Variants in ECT2L observed in about 807,000 individuals in gnomAD.
ECT2L encodes epithelial cell transforming 2 like.
Under a neutral mutation model 122.8 loss-of-function variants are expected in ECT2L, and 126 were observed. The ratio of observed to expected loss-of-function variants is 1.03; its 90% confidence interval spans 0.89 to 1.19. The LOEUF (loss-of-function observed/expected upper bound fraction) is 1.19. ECT2L is among the 50% of genes most tolerant of loss of function. The pLI is 0.00. For synonymous variants in ECT2L, 385 were observed against 381.8 expected, an observed-to-expected ratio of 1.01 and a Z score of -0.10; for missense variants, 1,012 against 1,064.1, an observed-to-expected ratio of 0.95 and a Z score of 0.68.
intron 4 of ECT2L, chr6:138,823,734 AGT>A: frequency 1.6e-6 from 2 of 1,288,262 alleles, no homozygotes; most frequent in Non-Finnish European, 2.1e-6. Flanking sequence ...ACAGAGACAA[AGT>A]GTGGAGGAGT....
Position 138,837,089 on chromosome 6 carries a change from T to C in ECT2L, c.180-1263T>C, listed in dbSNP as rs148844124. Among the ~76,000 whole-genome samples, 325 of 152,338 alleles carry C rather than the reference T, an allele frequency of 2.1e-3. 1 individual carries two copies. Among genetic ancestry groups the C allele is most frequent in the African/African-American group, 7.7e-3 (319 of 41,594 alleles). Reference sequence around the variant, plus strand: ...TGCTTTTAGGTGCTCTAACATGAAATATATGTACACACGTGTACATATACA... The same window carrying C: ...TGCTTTTAGGTGCTCTAACATGAAACATATGTACACACGTGTACATATACA... On this transcript the variant is annotated intron_variant, in intron 4 of 21. Coordinates refer to ENST00000541398, the MANE Select transcript of ECT2L (RefSeq NM_001077706.3).
intron 5 of ECT2L, among the ~76,000 whole-genome samples, chr6:138,841,870 T>C (rs979644752): frequency 6.6e-6 from 1 of 152,192 alleles, no homozygotes; most frequent in African/African-American, 2.4e-5. Context: ...TTTTCTCTTG[T>C]CGTATGTCAA....
At chr6:138,817,199 T>C (rs1562455274) in intron 4 of ECT2L, among the ~76,000 whole-genome samples, 1 of 152,230 alleles carries the variant, frequency 6.6e-6, no homozygotes, top group Non-Finnish European at 1.5e-5. Flanking sequence ...CACTCCTCAG[T>C]TGATTATTGT....
chr6:138,891,468 A>G (rs1277697232), intron 20 of ECT2L, among the ~76,000 whole-genome samples: 1 of 152,096 alleles, frequency 6.6e-6, no homozygotes, highest in Non-Finnish European at 1.5e-5. Flanking sequence ...GGCTTCATCT[A>G]CATAAGAACA....
chr6:138,822,838 G>T, intron 4 of ECT2L: 2 of 1,613,886 alleles, frequency 1.2e-6, no homozygotes, highest in Non-Finnish European at 8.5e-7. Flanking sequence ...GAATTGATCT[G>T]TATCAAAGAA....
intron 1 of ECT2L, among the ~76,000 whole-genome samples, chr6:138,809,671 T>C (rs890063442): frequency 3.3e-5 from 5 of 152,224 alleles, no homozygotes; most frequent in African/African-American, 4.8e-5. Flanking sequence ...TTTATGGTAA[T>C]ATGCTTGTAA....
chr6:138,822,699 C>T (rs573422776), intron 4 of ECT2L: 35 of 1,509,518 alleles, frequency 2.3e-5, no homozygotes, highest in East Asian at 9.5e-5. Flanking sequence ...CCAGCGTGAG[C>T]GACGCAGAAG....
rs1562501548 is a variant in ECT2L at position 138,902,632 on chromosome 6, GA to G, written c.*7del. ...AAAAGCAGTATGGAGAAGTGAGACC[GA>G]ACTTGAAAACTTCAGGGGTGCCAAT... is the stretch of plus-strand genomic sequence containing the variant. On this transcript the variant is annotated 3_prime_UTR_variant, in exon 22 of 22. Coordinates refer to ENST00000541398, the MANE Select transcript of ECT2L (RefSeq NM_001077706.3). 2 of 1,613,108 alleles carry G rather than the reference GA, an allele frequency of 1.2e-6. No homozygotes were observed. The highest frequency in any genetic ancestry group is 3.3e-5 in the Admixed American group (2 of 59,890).
At chr6:138,837,509 C>G (rs1776881331) in intron 4 of ECT2L, among the ~76,000 whole-genome samples, 1 of 152,068 alleles carries the variant, frequency 6.6e-6, no homozygotes, top group African/African-American at 2.4e-5. Context: ...ATGTGGCCAG[C>G]TTTGTGTCAA....
chr6:138,832,761 T>C (rs1776693757), intron 4 of ECT2L, among the ~76,000 whole-genome samples: 1 of 152,106 alleles, frequency 6.6e-6, no homozygotes, highest in African/African-American at 2.4e-5. Context: ...GTTTTTTTTT[T>C]AATTTATAAC....
intron 1 of ECT2L, 46 bp from the exon 2 acceptor site, chr6:138,812,792 G>T (rs147503903): frequency 3.9e-5 from 6 of 153,608 alleles, no homozygotes; most frequent in African/African-American, 1.4e-4. Context: ...ACAACAGAGC[G>T]AGACTCCATC....
At chr6:138,862,522 G>A in intron 10 of ECT2L, 105 bp from the exon 11 acceptor site, 1 of 1,114,802 alleles carries the variant, frequency 9.0e-7, no homozygotes, top group Non-Finnish European at 1.3e-6. Flanking sequence ...CAACGTTGGG[G>A]ATTAGATTTC....
chr6:138,871,762 G>A (rs1311365264), intron 13 of ECT2L, among the ~76,000 whole-genome samples: 3 of 151,880 alleles, frequency 2.0e-5, no homozygotes, highest in Non-Finnish European at 2.9e-5. Context: ...CCAAGATCGC[G>A]CCATTGCACT....
intron 8 of ECT2L, among the ~76,000 whole-genome samples, chr6:138,847,568 C>T (rs1184601497): frequency 1.6e-4 from 23 of 141,672 alleles, no homozygotes; most frequent in African/African-American, 5.3e-4. Context: ...TTAGTAAAGA[C>T]GGGTTTAGCC....
intron 4 of ECT2L, among the ~76,000 whole-genome samples, chr6:138,837,641 C>CAAA (rs56775844): frequency 5.6e-5 from 8 of 142,748 alleles, no homozygotes; most frequent in Non-Finnish European, 1.2e-4. Flanking sequence ...GCACTGGTCT[C>CAAA]AAAAAAAAAA....
intron 19 of ECT2L, among the ~76,000 whole-genome samples, chr6:138,888,324 T>C (rs1408164045): frequency 6.7e-6 from 1 of 149,464 alleles, no homozygotes; most frequent in African/African-American, 2.5e-5. Flanking sequence ...TTTCTTTTTT[T>C]TTTTTTTTTT....
At chr6:138,815,649 G>A (rs1235117618) in intron 4 of ECT2L, among the ~76,000 whole-genome samples, 1 of 152,238 alleles carries the variant, frequency 6.6e-6, no homozygotes, top group Admixed American at 6.5e-5. Flanking sequence ...AGGAGACTGT[G>A]TGAAGTTGTT....
intron 1 of ECT2L, among the ~76,000 whole-genome samples, chr6:138,806,826 G>C (rs912521569): frequency 4.0e-5 from 6 of 151,578 alleles, no homozygotes; most frequent in Non-Finnish European, 7.4e-5. Flanking sequence ...CATAGCTTTT[G>C]ACCTCCCCAA....
At chr6:138,812,672 G>A (rs1317346449) in intron 1 of ECT2L, among the ~76,000 whole-genome samples, 166 bp from the exon 2 acceptor site, 2 of 152,116 alleles carry the variant, frequency 1.3e-5, no homozygotes, top group East Asian at 3.9e-4. Flanking sequence ...AGGCATGGTG[G>A]TGCGCACCTG....
Sources: allele counts gnomAD v4.1 joint callset (sites outside exome capture counted in the v4.1 genomes callset), GRCh38; gene constraint gnomAD v4.1.1; transcripts MANE v1.5; gene names NCBI Gene and HGNC (gene_info 2026-07-23, HGNC 2026-07-21).